Variants in CSMD2 observed in about 807,000 individuals in gnomAD.
CSMD2 encodes CUB and Sushi multiple domains 2, also known as CUB and sushi domain-containing protein 2.
A neutral mutation model predicts 398.5 loss-of-function variants in CSMD2; 130 were observed. The ratio of observed to expected loss-of-function variants is 0.33; its 90% CI spans 0.28 to 0.38. CSMD2 has a LOEUF of 0.38. Ranked by LOEUF, CSMD2 falls within the 10% of genes least tolerant of loss-of-function variation. The pLI, the probability that CSMD2 is intolerant of heterozygous loss-of-function variation, is 1.00. For missense variants in CSMD2, 3,829 were observed against 4,764.9 expected (o/e 0.80, Z 5.78); for synonymous variants, 1,828 against 1,908.5 (o/e 0.96, Z 1.10).
At chr1:33,973,540 A>G (rs768110947) in intron 3 of CSMD2, among the ~76,000 whole-genome samples, 50 of 152,164 alleles carry the variant, frequency 3.3e-4, no homozygotes, top group Non-Finnish European at 5.3e-4. Flanking sequence ...GTCAGGGTAC[A>G]AGGTAGCTGG....
intron 1 of CSMD2, among the ~76,000 whole-genome samples, chr1:34,139,406 C>T (rs892938043): frequency 3.3e-5 from 5 of 152,186 alleles, no homozygotes; most frequent in Admixed American, 2.6e-4. Context: ...GCCCCTCGAC[C>T]TTGGACTTCT....
chr1:33,728,132 A>G (rs528255458), intron 15 of CSMD2, among the ~76,000 whole-genome samples: 1 of 152,244 alleles, frequency 6.6e-6, no homozygotes, highest in East Asian at 1.9e-4. Flanking sequence ...AAATCCAGAG[A>G]TTTTAAGCTA....
rs899120166 is a variant in CSMD2, at chr1:33,519,036, G to A, written c.*53+429C>T. Among the ~76,000 whole-genome samples the A allele has an allele frequency of 3.9e-5, 6 of 151,944 alleles. No individual in the cohort carries two copies. Among genetic ancestry groups the A allele is most frequent in the African/African-American group, 1.2e-4 (5 of 41,316 alleles). ...CTACAGATCTCCAGGGCTTGACTTC[G>A]ACCCAGAGGATGTATATATCCAGTT... On this transcript the variant is annotated intron_variant, in intron 70 of 70. Transcript: ENST00000373381. This position sits in a 1 kb window ranked among gnomAD's most constrained non-coding sequence, Gnocchi z 5.6.
chr1:33,932,417 G>A (rs568427048), intron 4 of CSMD2, among the ~76,000 whole-genome samples: 1 of 152,258 alleles, frequency 6.6e-6, no homozygotes, highest in East Asian at 1.9e-4. Context: ...TGAAGGAGAA[G>A]GAGGGAAAGA....
chr1:33,922,158 G>A (rs1259314306), intron 4 of CSMD2, among the ~76,000 whole-genome samples: 1 of 152,126 alleles, frequency 6.6e-6, no homozygotes, highest in Non-Finnish European at 1.5e-5. Context: ...AACAGATGGG[G>A]ATACCTATGG....
chr1:34,092,949 G>T (rs1277816002), intron 1 of CSMD2, among the ~76,000 whole-genome samples: 1 of 152,060 alleles, frequency 6.6e-6, no homozygotes, highest in Non-Finnish European at 1.5e-5. Flanking sequence ...TCCACCTCTG[G>T]GGGCAGGGCA....
At chr1:33,837,144 G>A (rs1660377707) in intron 6 of CSMD2, among the ~76,000 whole-genome samples, 1 of 152,114 alleles carries the variant, frequency 6.6e-6, no homozygotes. Context: ...TGGGTGGGGT[G>A]ATGAGTGATC....
At chr1:33,738,483 C>T (rs1569616238) in intron 15 of CSMD2, among the ~76,000 whole-genome samples, 1 of 152,236 alleles carries the variant, frequency 6.6e-6, no homozygotes, top group East Asian at 1.9e-4. Flanking sequence ...GAAGCTTTAT[C>T]TGTATTTTAA....
intron 44 of CSMD2, among the ~76,000 whole-genome samples, chr1:33,593,595 C>T (rs912264412): frequency 4.6e-5 from 7 of 152,150 alleles, no homozygotes; most frequent in Admixed American, 2.6e-4. Flanking sequence ...AAAGACCCAC[C>T]CCCATAATTC....
At chr1:34,041,233 T>A (rs1651805004) in intron 2 of CSMD2, among the ~76,000 whole-genome samples, 1 of 152,118 alleles carries the variant, frequency 6.6e-6, no homozygotes, top group Admixed American at 6.5e-5. Flanking sequence ...GGACTTGAAC[T>A]CCCCCACCAG....
At chr1:34,115,871 T>G (rs705217) in intron 1 of CSMD2, among the ~76,000 whole-genome samples, 49,096 of 151,758 alleles carry the variant, frequency 0.32, 9,185 homozygotes, top group East Asian at 0.6. Flanking sequence ...TGAGGCTTAT[T>G]ATCAGTCTAA....
In CSMD2 at chr1:34,163,091, G is replaced by C. The variant is rs1490962644; in HGVS notation, c.187+1820C>G. Among the ~76,000 whole-genome samples, 7 of 152,204 alleles carry C rather than the reference G, an allele frequency of 4.6e-5. No homozygotes were observed. The highest frequency in any genetic ancestry group is 1.0e-4 in the Non-Finnish European group (7 of 68,034). On this transcript the variant is annotated intron_variant, in intron 1 of 70. Coordinates refer to ENST00000373381, the MANE Select transcript of CSMD2 (RefSeq NM_001281956.2). The surrounding 1 kb of genome is among the most constrained non-coding windows in gnomAD (Gnocchi z 5.4). ...AGTCGGCCTTTTTCTCTCCCCTAGG[G>C]GCAGGATATGCCCAAGGGGCAGGGA... is the stretch of plus-strand genomic sequence containing the variant.
chr1:33,591,145 C>T (rs1168220689), intron 44 of CSMD2, among the ~76,000 whole-genome samples: 2 of 151,890 alleles, frequency 1.3e-5, no homozygotes, highest in Non-Finnish European at 2.9e-5. Context: ...TGCGCCACCA[C>T]GTCTGGCTAA....
chr1:33,895,955 G>A (rs1423215337), intron 5 of CSMD2, among the ~76,000 whole-genome samples: 3 of 152,114 alleles, frequency 2.0e-5, no homozygotes, highest in Non-Finnish European at 2.9e-5. Context: ...ATGAGATACC[G>A]TCATCTCCTC....
intron 19 of CSMD2, among the ~76,000 whole-genome samples, chr1:33,718,139 G>A (rs1276145950): frequency 6.6e-6 from 1 of 152,176 alleles, no homozygotes; most frequent in Non-Finnish European, 1.5e-5. Flanking sequence ...ATGTGGTAGA[G>A]CTAGGATCTG....
intron 3 of CSMD2, among the ~76,000 whole-genome samples, chr1:33,971,754 C>T (rs897485467): frequency 2.0e-5 from 3 of 152,106 alleles, no homozygotes; most frequent in African/African-American, 7.2e-5. Flanking sequence ...AGAGGGGGTG[C>T]CTCCAAGGAA....
intron 41 of CSMD2, chr1:33,605,773 A>G (rs1640554171): frequency 1.9e-6 from 2 of 1,042,158 alleles, no homozygotes; most frequent in African/African-American, 1.6e-5. Flanking sequence ...GGCTCAAGGA[A>G]GACATTGCTC....
intron 50 of CSMD2, 110 bp from the exon 51 acceptor site, chr1:33,571,836 C>T (rs1173278090): frequency 2.4e-6 from 2 of 816,886 alleles, no homozygotes; most frequent in African/African-American, 3.5e-5. Flanking sequence ...AATGAAGAAT[C>T]CAGGAATCTT....
intron 5 of CSMD2, among the ~76,000 whole-genome samples, chr1:33,856,733 G>A (rs1639123652): frequency 6.6e-6 from 1 of 152,018 alleles, no homozygotes; most frequent in African/African-American, 2.4e-5. Flanking sequence ...ACAGCTGGAG[G>A]ATGGGTGGGC....
Sources: gnomAD v4.1 joint callset for allele counts (sites outside exome capture counted in the v4.1 genomes callset) on GRCh38, gnomAD v4.1.1 for gene constraint, Gnocchi (gnomAD v3.1) non-coding constraint, MANE v1.5 for transcripts, NCBI Gene and HGNC (gene_info 2026-07-23, HGNC 2026-07-21) for gene names.